Variants in OSBPL3 observed in about 807,000 individuals in gnomAD.
OSBPL3 encodes the protein oxysterol binding protein like 3.
Under a neutral mutation model 120.1 loss-of-function variants are expected in OSBPL3, and 65 were observed. That is an observed-to-expected ratio of 0.54 (90% confidence interval 0.44 to 0.67). The LOEUF is 0.67. Ranked by LOEUF, OSBPL3 falls within the 30% of genes least tolerant of loss-of-function variation. The pLI is 0.00. For missense variants in OSBPL3, 1,004 were observed against 1,082.1 expected (o/e 0.93, Z 1.01); for synonymous variants, 416 against 402.6 (o/e 1.03, Z -0.40).
At chr7:24,870,657 G>C (rs2128281835) in intron 5 of OSBPL3, 75 bp downstream of exon 5, 1 of 899,770 alleles carries the variant, frequency 1.1e-6, no homozygotes, top group South Asian at 1.3e-5. Flanking sequence ...TACCCAAAAG[G>C]CATTACCAAT....
Position 24,879,521 on chromosome 7 carries a change from A to T in OSBPL3, c.97-7452T>A, listed in dbSNP as rs1803350191. Among the ~76,000 whole-genome samples the T allele has an allele frequency of 6.6e-6, 1 of 152,216 alleles. No homozygotes were observed. The highest frequency in any genetic ancestry group is 1.5e-5 in the Non-Finnish European group (1 of 68,040). ...ATGTTTCAAGTCTTACTACTTGGTT[A>T]GCCACAGACCAAAAACACTGGTGCC... On this transcript the variant is annotated intron_variant, in intron 2 of 22. Coordinates refer to ENST00000313367, the MANE Select transcript of OSBPL3 (RefSeq NM_015550.4). This position sits in a 1 kb window ranked among gnomAD's most constrained non-coding sequence, Gnocchi z 5.6.
intron 2 of OSBPL3, among the ~76,000 whole-genome samples, chr7:24,876,371 T>C (rs1466556879): frequency 6.6e-6 from 1 of 152,186 alleles, no homozygotes; most frequent in Non-Finnish European, 1.5e-5. Flanking sequence ...TAAATTACAT[T>C]ATTATTACTG....
intron 1 of OSBPL3, among the ~76,000 whole-genome samples, chr7:24,976,284 G>A (rs1474655416): frequency 1.3e-5 from 2 of 152,172 alleles, no homozygotes; most frequent in African/African-American, 4.8e-5. Context: ...TGTTATTAAT[G>A]TTATTATTCA....
Position 24,806,405 on chromosome 7 carries a change from AG to A in OSBPL3, c.2444+370del, listed in dbSNP as rs1793044572. ...TCACACACCTTGTGAGCAGCAACCT[AG>A]AATCAGCAGTTAGATCTCAGTGCAC... On this transcript the variant is annotated intron_variant, in intron 21 of 22. Transcript: ENST00000313367. This position sits in a 1 kb window ranked among gnomAD's most constrained non-coding sequence, Gnocchi z 5.2. Among the ~76,000 whole-genome samples, 1 of 152,230 alleles carries A rather than the reference AG, an allele frequency of 6.6e-6. No individual in the cohort carries two copies. Among genetic ancestry groups the A allele is most frequent in the Non-Finnish European group, 1.5e-5 (1 of 68,042 alleles).
chr7:24,920,670 G>A (rs1584625552), intron 1 of OSBPL3, among the ~76,000 whole-genome samples: 1 of 152,038 alleles, frequency 6.6e-6, no homozygotes, highest in African/African-American at 2.4e-5. Context: ...CTCCAACAAG[G>A]AAGTTATGAA....
intron 10 of OSBPL3, among the ~76,000 whole-genome samples, chr7:24,857,365 C>A (rs1799962379): frequency 6.6e-6 from 1 of 152,192 alleles, no homozygotes; most frequent in South Asian, 2.1e-4. Context: ...TTGTTCCTTG[C>A]TTTGCCATCC....
intron 1 of OSBPL3, among the ~76,000 whole-genome samples, chr7:24,957,287 A>C (rs1259051570): frequency 6.6e-6 from 1 of 152,182 alleles, no homozygotes; most frequent in East Asian, 1.9e-4. Flanking sequence ...AAAGCAAAAA[A>C]CAAAAAACAG....
chr7:24,811,586 C>T (rs1262581005), intron 19 of OSBPL3, among the ~76,000 whole-genome samples: 1 of 152,234 alleles, frequency 6.6e-6, no homozygotes, highest in Non-Finnish European at 1.5e-5. Flanking sequence ...CCCTGACCAA[C>T]GTCATGAAGC....
chr7:24,836,876 C>T (rs1015365662), intron 14 of OSBPL3, among the ~76,000 whole-genome samples: 1 of 151,966 alleles, frequency 6.6e-6, no homozygotes, highest in Non-Finnish European at 1.5e-5. Context: ...GGTCTGTTGC[C>T]CAGGCTGGAG....
At chr7:24,969,722 C>G (rs1282669830) in intron 1 of OSBPL3, among the ~76,000 whole-genome samples, 2 of 152,180 alleles carry the variant, frequency 1.3e-5, no homozygotes, top group African/African-American at 4.8e-5. Context: ...GGCTATCATT[C>G]TAACTTTCCA....
At position 24,863,505 on chromosome 7, in the gene OSBPL3, G is replaced by A. The variant is rs368440254; in HGVS notation, c.768C>T (p.Asn256=). ...GAGGAGTCCGGCTCACCTGGATGGC[G>A]TTGATAGCTGGTGCCGAGTATGTCC... ...LHRTYSAPAI[N]AIQGGSFESP... Residue 256 remains asparagine, a synonymous_variant, in exon 8 of 23, where the codon AAC becomes AAT. Coordinates refer to ENST00000313367, the MANE Select transcript of OSBPL3 (RefSeq NM_015550.4). The surrounding 1 kb of genome is among the most constrained non-coding windows in gnomAD (Gnocchi z 5.8). 30 of 1,612,762 alleles carry A rather than the reference G, an allele frequency of 1.9e-5. No homozygotes were observed. The East Asian group carries it at 3.1e-4, about 17-fold the overall frequency.
intron 18 of OSBPL3, among the ~76,000 whole-genome samples, 191 bp downstream of exon 18, chr7:24,816,419 T>C (rs920313794): frequency 2.0e-5 from 3 of 152,122 alleles, no homozygotes; most frequent in Non-Finnish European, 4.4e-5. Flanking sequence ...GGCATTTCCA[T>C]TTGAGGGAGA....
rs1267798501 is a variant in OSBPL3 at position 24,854,489 on chromosome 7, T to TACACACAC, written c.1028-1863_1028-1856dup. ...ATCTTAACAAAGTCACAACAATTTG[T>TACACACAC]ACACACACACACGCACACACACACA... On this transcript the variant is annotated intron_variant, in intron 10 of 22. Transcript: ENST00000313367. The surrounding 1 kb of genome is among the most constrained non-coding windows in gnomAD (Gnocchi z 4.1). Among the ~76,000 whole-genome samples, 5 of 127,390 alleles carry TACACACAC rather than the reference T, an allele frequency of 3.9e-5. No homozygotes were observed. The highest frequency in any genetic ancestry group is 2.7e-4 in the South Asian group (1 of 3,676). 83.6% of individuals were successfully genotyped at this position (127,390 alleles called of 152,430 possible).
At chr7:24,809,411 G>A (rs750111829) in intron 20 of OSBPL3, among the ~76,000 whole-genome samples, 18 of 152,150 alleles carry the variant, frequency 1.2e-4, no homozygotes, top group Admixed American at 6.5e-5. Flanking sequence ...GTTAACATTT[G>A]TAGGTCTCCT....
chr7:24,906,754 CTG>C (rs1394933938), intron 1 of OSBPL3, among the ~76,000 whole-genome samples: 1 of 152,334 alleles, frequency 6.6e-6, no homozygotes, highest in African/African-American at 2.4e-5. Context: ...GTGTTGCTTA[CTG>C]TCTCCTTTTC....
Position 24,932,367 on chromosome 7 carries a change from A to AAC in OSBPL3, c.-149-39748_-149-39747dup, listed in dbSNP as rs371914669. On this transcript the variant is annotated intron_variant, in intron 1 of 22. Coordinates refer to ENST00000313367, the MANE Select transcript of OSBPL3 (RefSeq NM_015550.4). This position sits in a 1 kb window ranked among gnomAD's most constrained non-coding sequence, Gnocchi z 5.6. The stretch of plus-strand genomic sequence containing the variant: ...ATAGGTTAGAATGCAAGAGCAAGAG[A>AAC]ACACCACCAACACAAACCAGGATCA... Among the ~76,000 whole-genome samples, 10 of 152,290 alleles carry AAC rather than the reference A, an allele frequency of 6.6e-5. No individual in the cohort carries two copies. Among genetic ancestry groups the AAC allele is most frequent in the African/African-American group, 2.4e-4 (10 of 41,564 alleles).
In OSBPL3 at chr7:24,871,243, T is replaced by A. The variant is rs1802065458; in HGVS notation, c.268-398A>T. ...AGAAGTGATGTATTAATAAAAGAAG[T>A]GAGAGCAGAAGGCTGAGAGAGGACA... On this transcript the variant is annotated intron_variant, in intron 4 of 22. Coordinates refer to ENST00000313367, the MANE Select transcript of OSBPL3 (RefSeq NM_015550.4). This position sits in a 1 kb window ranked among gnomAD's most constrained non-coding sequence, Gnocchi z 4.8. Among the ~76,000 whole-genome samples the A allele has an allele frequency of 6.6e-6, 1 of 151,956 alleles. No individual in the cohort carries two copies. Among genetic ancestry groups the A allele is most frequent in the Non-Finnish European group, 1.5e-5 (1 of 67,976 alleles).
At chr7:24,887,594 G>A (rs1266377086) in intron 2 of OSBPL3, among the ~76,000 whole-genome samples, 4 of 152,212 alleles carry the variant, frequency 2.6e-5, no homozygotes, top group Non-Finnish European at 5.9e-5. Context: ...TATGAATGGA[G>A]AACTGAGACA....
chr7:24,909,137 G>A (rs17150504), intron 1 of OSBPL3, among the ~76,000 whole-genome samples: 3,441 of 152,296 alleles, frequency 0.023, 150 homozygotes, highest in African/African-American at 0.079. Flanking sequence ...TGAACGGGGT[G>A]ATAACTGATA....
Sources: gnomAD v4.1 joint callset for allele counts (sites outside exome capture counted in the v4.1 genomes callset) on GRCh38, gnomAD v4.1.1 for gene constraint, Gnocchi (gnomAD v3.1) non-coding constraint, MANE v1.5 for transcripts, NCBI Gene and HGNC (gene_info 2026-07-23, HGNC 2026-07-21) for gene names.